Variants in MTA3 observed in about 807,000 individuals in gnomAD.
MTA3 encodes metastasis-associated protein MTA3.
MTA3 carries 34 observed loss-of-function variants against 83.5 expected under a neutral mutation model. The observed-to-expected ratio is 0.41, with a 90% CI of 0.31 to 0.54. MTA3 has a LOEUF of 0.54. MTA3 is among the 20% of genes least tolerant of loss of function. The pLI, the probability that MTA3 is intolerant of heterozygous loss-of-function variation, is 0.33. For synonymous variants in MTA3, 303 were observed against 252.7 expected, an observed-to-expected ratio of 1.20 and a Z score of -1.89; for missense variants, 761 against 726.4, an observed-to-expected ratio of 1.05 and a Z score of -0.55.
chr2:42,751,323 A>G (rs1324360441), intron 16 of MTA3, among the ~76,000 whole-genome samples: 1 of 152,250 alleles, frequency 6.6e-6, no homozygotes, highest in East Asian at 1.9e-4. Flanking sequence ...ATAGGTTAAT[A>G]CATTTGAGAA....
chr2:42,580,394 T>G (rs561958292), intron 3 of MTA3, among the ~76,000 whole-genome samples: 1 of 151,772 alleles, frequency 6.6e-6, no homozygotes, highest in African/African-American at 2.4e-5. Context: ...TATTTTGAGA[T>G]TGAGTCTTGC....
At chr2:42,744,287 T>C (rs1380500897) in intron 16 of MTA3, among the ~76,000 whole-genome samples, 2 of 152,168 alleles carry the variant, frequency 1.3e-5, no homozygotes, top group Non-Finnish European at 2.9e-5. Context: ...TCTAGAAGGA[T>C]GCCAAATTAG....
chr2:42,636,087 T>G (rs1687166872), intron 4 of MTA3, among the ~76,000 whole-genome samples: 1 of 152,078 alleles, frequency 6.6e-6, no homozygotes, highest in South Asian at 2.1e-4. Flanking sequence ...TTTTTTAAGT[T>G]TAGTGAACTT....
At position 42,573,810 on chromosome 2, in the gene MTA3, T is replaced by TTTTC. The variant is rs200435400; in HGVS notation, c.96+3326_96+3329dup. On this transcript the variant is annotated intron_variant, in intron 2 of 16. Transcript: ENST00000405094. The stretch of plus-strand genomic sequence containing the variant: ...ACAGGCGTGAGCCACTGCCCCAGCA[T>TTTTC]TTTCTTTCTTTCTTTCTTTCTTTTT... Among the ~76,000 whole-genome samples the TTTTC allele has an allele frequency of 9.1e-3, 1,362 of 150,108 alleles. 118 individuals carry two copies. The East Asian group carries it at 0.21, about 23-fold the overall frequency.
intron 6 of MTA3, among the ~76,000 whole-genome samples, chr2:42,651,106 T>C (rs1400225309): frequency 6.6e-6 from 1 of 152,148 alleles, no homozygotes; most frequent in African/African-American, 2.4e-5. Context: ...AACACAATAG[T>C]AAGTATTGTG....
intron 16 of MTA3, among the ~76,000 whole-genome samples, chr2:42,741,544 T>C (rs1669026128): frequency 6.6e-6 from 1 of 152,172 alleles, no homozygotes; most frequent in Non-Finnish European, 1.5e-5. Flanking sequence ...TTAAAAGCCA[T>C]TGTAAGGTTA....
intron 2 of MTA3, among the ~76,000 whole-genome samples, chr2:42,497,173 T>G (rs758442298): frequency 1.3e-5 from 2 of 151,572 alleles, no homozygotes; most frequent in Non-Finnish European, 2.9e-5. Flanking sequence ...GCCATTGGAC[T>G]CCAGCCTGGG....
At chr2:42,562,283 G>A (rs1220165483) in intron 2 of MTA3, among the ~76,000 whole-genome samples, 2 of 152,028 alleles carry the variant, frequency 1.3e-5, no homozygotes, top group Admixed American at 6.6e-5. Flanking sequence ...GTTCTGGGTG[G>A]GCATGTCTTT....
chr2:42,548,478 T>C (rs1676863197), intron 2 of MTA3, among the ~76,000 whole-genome samples: 1 of 151,190 alleles, frequency 6.6e-6, no homozygotes, highest in Admixed American at 6.6e-5. Context: ...AATATACGTA[T>C]ATACATAAAA....
chr2:42,576,930 C>G (rs532554039), intron 2 of MTA3, among the ~76,000 whole-genome samples: 1 of 150,134 alleles, frequency 6.7e-6, no homozygotes, highest in East Asian at 2.0e-4. Flanking sequence ...AAAACCACCT[C>G]TAAACTGAAA....
intron 8 of MTA3, among the ~76,000 whole-genome samples, chr2:42,681,320 G>A (rs1273281074): frequency 1.3e-5 from 2 of 152,032 alleles, no homozygotes; most frequent in Non-Finnish European, 2.9e-5. Context: ...TGTGCAGCAT[G>A]TTTATAATTT....
intron 8 of MTA3, among the ~76,000 whole-genome samples, chr2:42,676,526 G>A (rs1447277188): frequency 6.6e-6 from 1 of 152,202 alleles, no homozygotes; most frequent in African/African-American, 2.4e-5. Flanking sequence ...AGCACTTTGG[G>A]AGGCCAAGAC....
At chr2:42,547,597 C>T (rs1297980974) in intron 2 of MTA3, among the ~76,000 whole-genome samples, 1 of 152,244 alleles carries the variant, frequency 6.6e-6, no homozygotes, top group African/African-American at 2.4e-5. Context: ...TCTCAAAGCG[C>T]TGGGATTACA....
intron 6 of MTA3, among the ~76,000 whole-genome samples, chr2:42,648,414 G>T (rs1443561818): frequency 6.6e-6 from 1 of 152,168 alleles, no homozygotes; most frequent in African/African-American, 2.4e-5. Flanking sequence ...ATTTGCATTG[G>T]CATGGAATGT....
At chr2:42,510,910 G>T (rs1261674554) in intron 2 of MTA3, among the ~76,000 whole-genome samples, 1 of 152,202 alleles carries the variant, frequency 6.6e-6, no homozygotes, top group African/African-American at 2.4e-5. Flanking sequence ...AAACTGAATG[G>T]AAGTTCCCCA....
chr2:42,752,311 A>T (rs1669934660), intron 16 of MTA3: 10 of 470,714 alleles, frequency 2.1e-5, no homozygotes, highest in South Asian at 1.5e-4. Flanking sequence ...TGTGAAGGTG[A>T]GCATTGCTGG....
chr2:42,664,861 A>C (rs2104388191), intron 8 of MTA3, among the ~76,000 whole-genome samples: 1 of 152,236 alleles, frequency 6.6e-6, no homozygotes, highest in African/African-American at 2.4e-5. Context: ...TATCCGAGAC[A>C]ATTTATGCTA....
rs376852455 is a variant in MTA3 at position 42,527,232 on chromosome 2, A to G, written c.-141+31978A>G. Among the ~76,000 whole-genome samples, 31 of 152,210 alleles carry G rather than the reference A, an allele frequency of 2.0e-4. No homozygotes were observed. The East Asian group carries it at 3.1e-3, about 15-fold the overall frequency. On this transcript the variant is annotated intron_variant, in intron 2 of 17. Transcript: ENST00000405592. ...CAATCAGGCCTCAGCTGTATCAACA[A>G]ATCAAGGCTCAGCTGTGTTGACCAA...
At chr2:42,709,720 C>G (rs760546108) in intron 14 of MTA3, among the ~76,000 whole-genome samples, 2 of 152,176 alleles carry the variant, frequency 1.3e-5, no homozygotes, top group Non-Finnish European at 2.9e-5. Flanking sequence ...TGAAATTACA[C>G]ATTGCATTTT....
Sources: allele counts gnomAD v4.1 joint callset (sites outside exome capture counted in the v4.1 genomes callset), GRCh38; gene constraint gnomAD v4.1.1; transcripts MANE v1.5; gene names NCBI Gene and HGNC (gene_info 2026-07-23, HGNC 2026-07-21).